Variants in KASH5 observed in about 807,000 individuals in gnomAD.
KASH5 encodes the protein protein KASH5.
Under a neutral mutation model 84.2 loss-of-function variants are expected in KASH5, and 72 were observed. That is an observed-to-expected ratio of 0.85 (90% confidence interval 0.71 to 1.04). The LOEUF is 1.04. Among genes scored for constraint, KASH5 ranks in the 50% least tolerant of loss-of-function variants. The pLI is 0.00. For missense variants in KASH5, 650 were observed against 701.0 expected (o/e 0.93, Z 0.82); for synonymous variants, 260 against 279.1 (o/e 0.93, Z 0.68).
At position 49,417,114 on chromosome 19, in the gene KASH5, G is replaced by T; in HGVS notation, c.1439+35G>T. 6.2e-7 allele frequency: 1 copy of T among 1,608,478 alleles called. No individual in the cohort carries two copies. The highest frequency in any genetic ancestry group is 2.2e-5 in the East Asian group (1 of 44,652). On this transcript the variant is annotated intron_variant, in intron 18 of 19. Transcript: ENST00000447857. This position sits in a 1 kb window ranked among gnomAD's most constrained non-coding sequence, Gnocchi z 5.2. Reference sequence around the variant, plus strand: ...CCCACAGGGTCCAGGAGGGACACTGGGGCAAGGAAAAACCCAGTGGTGATT... The same window carrying T: ...CCCACAGGGTCCAGGAGGGACACTGTGGCAAGGAAAAACCCAGTGGTGATT...
intron 10 of KASH5, 63 bp downstream of exon 10, chr19:49,407,026 G>A (rs750125339): frequency 5.4e-6 from 8 of 1,491,228 alleles, no homozygotes; most frequent in African/African-American, 4.2e-5. Context: ...TCCCATTTCC[G>A]GTTTTAGTGA....
chr19:49,415,197 G>A (rs1974864008), intron 17 of KASH5: 1 of 628,048 alleles, frequency 1.6e-6, no homozygotes, highest in Middle Eastern at 2.7e-4. Context: ...CTGGAGGCTA[G>A]TGGGCGGCCA....
chr19:49,402,423 A>T (rs911976856), intron 9 of KASH5, among the ~76,000 whole-genome samples: 1 of 148,512 alleles, frequency 6.7e-6, no homozygotes, highest in Non-Finnish European at 1.5e-5. Flanking sequence ...AAAAGAATGA[A>T]AGGCCAGGCA....
rs1974913869 is a variant in KASH5 at position 49,416,681 on chromosome 19, T to C, written c.1375-334T>C. Reference sequence around the variant, plus strand: ...TGATATTGAATAGCTCACACAGACATTGAGCACTCACTATGTACCAGGCGC... The same window carrying C: ...TGATATTGAATAGCTCACACAGACACTGAGCACTCACTATGTACCAGGCGC... On this transcript the variant is annotated intron_variant, in intron 17 of 19. Coordinates refer to ENST00000447857, the MANE Select transcript of KASH5 (RefSeq NM_144688.5). This position sits in a 1 kb window ranked among gnomAD's most constrained non-coding sequence, Gnocchi z 5.4. 6.6e-6 allele frequency among the ~76,000 whole-genome samples: 1 copy of C among 152,150 alleles called. No homozygotes were observed. The highest frequency in any genetic ancestry group is 1.9e-4 in the East Asian group (1 of 5,192).
intron 12 of KASH5, among the ~76,000 whole-genome samples, chr19:49,407,924 A>AT (rs796684370): frequency 8.3e-4 from 123 of 147,878 alleles, no homozygotes; most frequent in South Asian, 5.6e-3. Flanking sequence ...TCCTTATCTT[A>AT]TTTTTTTTTT....
intron 9 of KASH5, among the ~76,000 whole-genome samples, chr19:49,400,328 C>T (rs763070348): frequency 1.3e-5 from 2 of 149,402 alleles, no homozygotes; most frequent in Non-Finnish European, 3.0e-5. Context: ...GTGACTTCTC[C>T]TTCTCAAGCC....
intron 2 of KASH5, among the ~76,000 whole-genome samples, chr19:49,392,759 A>C (rs1974042003): frequency 6.6e-6 from 1 of 152,202 alleles, no homozygotes; most frequent in South Asian, 2.1e-4. Context: ...TAAAAATACA[A>C]AAATTAGCTG....
intron 2 of KASH5, chr19:49,393,416 C>G (rs1974065515): frequency 6.6e-6 from 1 of 152,220 alleles, no homozygotes; most frequent in African/African-American, 2.4e-5. Context: ...GTCCATTGCC[C>G]CAGGTGCCAC....
Position 49,417,235 on chromosome 19 carries a change from G to T in KASH5, c.1516G>T (p.Gly506Cys). Residue 506 changes from glycine to cysteine, a missense_variant, in exon 19 of 20, where the codon GGC (glycine) becomes TGC (cysteine). Coordinates refer to ENST00000447857, the MANE Select transcript of KASH5 (RefSeq NM_144688.5). This position sits in a 1 kb window ranked among gnomAD's most constrained non-coding sequence, Gnocchi z 5.2. ...GGTCCCAGTCAGGAGGAGGGCCTGG[G>T]GCCAGCTCTGCCTGCCCCCACAGCG... The part of the protein sequence containing the change: ...KLVPVRRRAW[G>C]QLCLPPQRLR... The T allele has an allele frequency of 6.2e-7, 1 of 1,613,600 alleles. No homozygotes were observed. The highest frequency in any genetic ancestry group is 8.5e-7 in the Non-Finnish European group (1 of 1,179,760).
At chr19:49,397,765 C>G (rs767877856) in intron 6 of KASH5, 48 bp downstream of exon 6, 1 of 1,591,118 alleles carries the variant, frequency 6.3e-7, no homozygotes, top group Admixed American at 1.7e-5. Context: ...ACACCCTGTC[C>G]CCTCCAGCCT....
chr19:49,397,630 C>A (rs759906698), intron 5 of KASH5, 21 bp from the exon 6 acceptor site: 6 of 1,612,348 alleles, frequency 3.7e-6, no homozygotes, highest in East Asian at 2.2e-5. Flanking sequence ...AGCCAACATT[C>A]TCTTGGCTCT....
At position 49,398,081 on chromosome 19, in the gene KASH5, A is replaced by T. The variant is rs555308159; in HGVS notation, c.567A>T (p.Thr189=). ...ENAKLQRSME[T]AEEGSARLGE... is the part of the protein sequence containing the mutation. ...CCAAATTGCAGCGGAGCATGGAGAC[A>T]GCTGAGGAGGGGTCAGCACGCCTTG... Residue 189 remains threonine, a synonymous_variant, in exon 7 of 20, where the codon ACA becomes ACT. Transcript: ENST00000447857. 80 of 1,612,970 alleles carry T rather than the reference A, an allele frequency of 5.0e-5. No individual in the cohort carries two copies. The East Asian group carries it at 1.8e-3, about 36-fold the overall frequency.
intron 15 of KASH5, among the ~76,000 whole-genome samples, chr19:49,411,769 T>C (rs909025027): frequency 6.6e-6 from 1 of 151,958 alleles, no homozygotes; most frequent in Non-Finnish European, 1.5e-5. Flanking sequence ...AGAATGATCA[T>C]TGTGCTAGAG....
At position 49,416,657 on chromosome 19, in the gene KASH5, G is replaced by T. The variant is rs569769716; in HGVS notation, c.1375-358G>T. ...GAATCCAATGGAAAACGGAGGTGAT[G>T]ATATTGAATAGCTCACACAGACATT... On this transcript the variant is annotated intron_variant, in intron 17 of 19. Transcript: ENST00000447857. The surrounding 1 kb of genome is among the most constrained non-coding windows in gnomAD (Gnocchi z 5.4). Among the ~76,000 whole-genome samples the T allele has an allele frequency of 1.4e-4, 21 of 152,320 alleles. No individual in the cohort carries two copies. Among genetic ancestry groups the T allele is most frequent in the African/African-American group, 4.8e-4 (20 of 41,552 alleles).
Position 49,412,828 on chromosome 19 carries a change from G to A in KASH5, c.1270-140G>A. 1.4e-6 allele frequency: 1 copy of A among 718,886 alleles called. No individual in the cohort carries two copies. Among genetic ancestry groups the A allele is most frequent in the Non-Finnish European group, 2.4e-6 (1 of 423,584 alleles). 44.5% of individuals were successfully genotyped at this position (718,886 alleles called of 1,614,324 possible). A position where few individuals can be genotyped will look rare whatever the true frequency, so the allele number is the denominator to read the frequency against. On this transcript the variant is annotated intron_variant, in intron 15 of 19. Coordinates refer to ENST00000447857, the MANE Select transcript of KASH5 (RefSeq NM_144688.5). This position sits in a 1 kb window ranked among gnomAD's most constrained non-coding sequence, Gnocchi z 4.6. The stretch of plus-strand genomic sequence containing the variant: ...AGAGGAGGGCAGGTTGTAGAAGGTG[G>A]TGAATTCATGTGTAGGTTGCAGCCT...
In KASH5 at chr19:49,390,941, C is replaced by T. The variant is rs1363862581; in HGVS notation, c.43+15C>T. On this transcript the variant is annotated intron_variant, in intron 2 of 19. Coordinates refer to ENST00000447857, the MANE Select transcript of KASH5 (RefSeq NM_144688.5). Reference sequence around the variant, plus strand: ...CACTGCGGAAAGTAAGTGGCTGGAACCCTATTTGCCCCGGGGAGGGTGAGG... The same window carrying T: ...CACTGCGGAAAGTAAGTGGCTGGAATCCTATTTGCCCCGGGGAGGGTGAGG... 1.2e-6 allele frequency: 2 copies of T among 1,605,186 alleles called. No homozygotes were observed. Among genetic ancestry groups the T allele is most frequent in the South Asian group, 2.2e-5 (2 of 89,988 alleles).
chr19:49,407,216 A>T (rs111577017), intron 10 of KASH5, 24 bp from the exon 11 acceptor site: 1 of 1,612,236 alleles, frequency 6.2e-7, no homozygotes, highest in Non-Finnish European at 8.5e-7. Context: ...GGCTGGATGG[A>T]TGGACCGGCT....
At chr19:49,392,350 GAA>G (rs1410342844) in intron 2 of KASH5, among the ~76,000 whole-genome samples, 11 of 151,866 alleles carry the variant, frequency 7.2e-5, no homozygotes. Flanking sequence ...AAGATAGAGA[GAA>G]AGAGCCAAAG....
chr19:49,406,998 C>T (rs1315630409), intron 10 of KASH5, 35 bp downstream of exon 10: 2 of 1,548,664 alleles, frequency 1.3e-6, no homozygotes, highest in Admixed American at 1.9e-5. Flanking sequence ...CAACTTTCCA[C>T]CACCCCGGGG....
Sources: allele counts gnomAD v4.1 joint callset (sites outside exome capture counted in the v4.1 genomes callset), GRCh38; gene constraint gnomAD v4.1.1; non-coding constraint Gnocchi (gnomAD v3.1); transcripts MANE v1.5; gene names NCBI Gene and HGNC (gene_info 2026-07-23, HGNC 2026-07-21).